The following SEPTIN7 variants were observed in gnomAD, a reference collection of about 807,000 sequenced individuals.
SEPTIN7 encodes the protein septin-7.
A neutral mutation model predicts 63.3 loss-of-function variants in SEPTIN7; 10 were observed. The ratio of observed to expected loss-of-function variants is 0.16; its 90% confidence interval spans 0.10 to 0.27. The LOEUF is 0.27. SEPTIN7 is among the 10% of genes least tolerant of loss of function. SEPTIN7 has a pLI of 1.00. For missense variants in SEPTIN7, 310 were observed against 521.0 expected, an observed-to-expected ratio of 0.59 and a Z score of 3.94; for synonymous variants, 131 against 165.3, an observed-to-expected ratio of 0.79 and a Z score of 1.59.
chr7:35,824,254 A>AT (rs1783392002), intron 1 of SEPTIN7, among the ~76,000 whole-genome samples: 1 of 152,108 alleles, frequency 6.6e-6, no homozygotes, highest in African/African-American at 2.4e-5. Context: ...AATCCAGAGC[A>AT]TTTGGTATAG....
At chr7:35,882,997 G>A (rs973477791) in intron 8 of SEPTIN7, among the ~76,000 whole-genome samples, 1 of 152,038 alleles carries the variant, frequency 6.6e-6, no homozygotes, top group African/African-American at 2.4e-5. Flanking sequence ...GCATTGTAGG[G>A]TGGCTGTAGT....
chr7:35,884,864 CTTAG>C (rs1221721916), intron 9 of SEPTIN7, among the ~76,000 whole-genome samples: 1 of 152,080 alleles, frequency 6.6e-6, no homozygotes, highest in East Asian at 1.9e-4. Context: ...CCAATAAAAT[CTTAG>C]TTATAACACC....
the SEPTIN7 span, among the ~76,000 whole-genome samples, chr7:35,915,040 T>A: frequency 6.6e-6 from 1 of 151,714 alleles, no homozygotes; most frequent in African/African-American, 2.4e-5. Flanking sequence ...CACGTACATA[T>A]ATGTATATAT....
At chr7:35,897,818 C>T (rs1788043550) in intron 11 of SEPTIN7, among the ~76,000 whole-genome samples, 1 of 152,104 alleles carries the variant, frequency 6.6e-6, no homozygotes, top group African/African-American at 2.4e-5. Context: ...TTGTTAGTAG[C>T]TGTCTTGGAA....
At chr7:35,862,610 G>GGTAA (rs1451542509) in intron 3 of SEPTIN7, among the ~76,000 whole-genome samples, 2 of 151,900 alleles carry the variant, frequency 1.3e-5, no homozygotes, top group Non-Finnish European at 2.9e-5. Flanking sequence ...CAGTCAAAGG[G>GGTAA]GTAAGCCCAG....
At chr7:35,896,305 TGTTGGAA>T (rs779535365) in intron 11 of SEPTIN7, among the ~76,000 whole-genome samples, 1 of 152,204 alleles carries the variant, frequency 6.6e-6, no homozygotes, top group Non-Finnish European at 1.5e-5. Flanking sequence ...CAATCATAAT[TGTTGGAA>T]GTTGCTTAAA....
At chr7:35,835,844 TA>T (rs1784057525) in intron 3 of SEPTIN7, among the ~76,000 whole-genome samples, 1 of 152,248 alleles carries the variant, frequency 6.6e-6, no homozygotes, top group South Asian at 2.1e-4. Flanking sequence ...CTGAATGTTA[TA>T]GTCTAGGGAC....
intron 12 of SEPTIN7, chr7:35,900,113 A>G (rs969547292): frequency 2.0e-5 from 3 of 152,224 alleles, no homozygotes. Flanking sequence ...AGGCATAACA[A>G]AAGTATGCTA....
At chr7:35,876,530 T>A (rs1157531774) in intron 6 of SEPTIN7, among the ~76,000 whole-genome samples, 1 of 152,100 alleles carries the variant, frequency 6.6e-6, no homozygotes, top group African/African-American at 2.4e-5. Context: ...AAACTTAAAA[T>A]TTTTTTTCAA....
chr7:35,827,559 C>T (rs1396802870), intron 1 of SEPTIN7, among the ~76,000 whole-genome samples: 2 of 151,870 alleles, frequency 1.3e-5, no homozygotes, highest in African/African-American at 4.8e-5. Context: ...GGCGCGATCT[C>T]CACTCACTGC....
chr7:35,806,237 T>C (rs555014142), intron 1 of SEPTIN7, among the ~76,000 whole-genome samples: 5 of 152,376 alleles, frequency 3.3e-5, no homozygotes, highest in Non-Finnish European at 5.9e-5. Context: ...CTGGAACTCC[T>C]ACCACTTAAT....
rs777688433 is a variant in SEPTIN7, at chr7:35,831,488, A to G, written c.62-4A>G. 1.9e-5 allele frequency: 9 copies of G among 479,860 alleles called. No homozygotes were observed. Among genetic ancestry groups the G allele is most frequent in the South Asian group, 1.4e-4 (9 of 64,600 alleles). The allele number at this position is 479,860 out of a possible 1,614,324, so 29.7% of individuals were successfully genotyped here. A position where few individuals can be genotyped will look rare whatever the true frequency, so the allele number is the denominator to read the frequency against. ...GGAATGATGGAAATGTGTTCTTTAC[A>G]AAGTAGCTGTGAGTATACTACATAA... is the stretch of plus-strand genomic sequence containing the variant. On this transcript the variant is annotated splice_polypyrimidine_tract_variant and splice_region_variant and intron_variant, in intron 1 of 13. Transcript: ENST00000350320.
At chr7:35,845,962 G>GTT (rs373194460) in intron 3 of SEPTIN7, among the ~76,000 whole-genome samples, 58 of 149,406 alleles carry the variant, frequency 3.9e-4, no homozygotes, top group African/African-American at 7.1e-4. Context: ...GATAACTCCT[G>GTT]TTTTTTTTTT....
At chr7:35,859,571 G>A (rs921349622) in intron 3 of SEPTIN7, among the ~76,000 whole-genome samples, 7 of 152,118 alleles carry the variant, frequency 4.6e-5, no homozygotes, top group South Asian at 2.1e-4. Flanking sequence ...TGTTCCGTCC[G>A]TTATTGAAAC....
intron 3 of SEPTIN7, among the ~76,000 whole-genome samples, chr7:35,843,219 A>G (rs546634979): frequency 6.6e-6 from 1 of 152,294 alleles, no homozygotes; most frequent in African/African-American, 2.4e-5. Flanking sequence ...TAGTGTAATT[A>G]AGGGGGAGGC....
intron 3 of SEPTIN7, among the ~76,000 whole-genome samples, chr7:35,850,348 C>T (rs1010078990): frequency 1.3e-5 from 2 of 152,018 alleles, no homozygotes; most frequent in African/African-American, 2.4e-5. Context: ...TGAATTTGAA[C>T]AAAATTGATT....
rs1787845890 is a variant in SEPTIN7, at chr7:35,894,561, TATA to T, written c.999-3684_999-3682del. On this transcript the variant is annotated intron_variant, in intron 11 of 13. Coordinates refer to ENST00000350320, the MANE Select transcript of SEPTIN7 (RefSeq NM_001788.6). The stretch of plus-strand genomic sequence containing the variant: ...TTATTCAAGTGTCCTTTCATGAAAT[TATA>T]ATGATAGTAGTTGGAAGTTTTGTTT... 3.9e-5 allele frequency among the ~76,000 whole-genome samples: 6 copies of T among 152,308 alleles called. No individual in the cohort carries two copies. In the South Asian group the frequency reaches 1.2e-3, roughly 32 times the overall value.
At chr7:35,818,460 A>G (rs181584854) in intron 1 of SEPTIN7, among the ~76,000 whole-genome samples, 36 of 151,936 alleles carry the variant, frequency 2.4e-4, no homozygotes, top group African/African-American at 8.7e-4. Flanking sequence ...TCAGAGTAAA[A>G]CTGGCCTCAT....
chr7:35,852,148 G>A (rs1314480012), intron 3 of SEPTIN7, among the ~76,000 whole-genome samples: 1 of 152,148 alleles, frequency 6.6e-6, no homozygotes, highest in Non-Finnish European at 1.5e-5. Flanking sequence ...TGTCCACTGT[G>A]CCAAGGTATG....
Sources: gnomAD v4.1 joint callset for allele counts (sites outside exome capture counted in the v4.1 genomes callset) on GRCh38, gnomAD v4.1.1 for gene constraint, MANE v1.5 for transcripts, NCBI Gene and HGNC (gene_info 2026-07-23, HGNC 2026-07-21) for gene names.